The following ATXN2 variants were observed in gnomAD, a reference collection of about 807,000 sequenced individuals.
The protein encoded by ATXN2 is ataxin 2, also known as ataxin-2.
Under a neutral mutation model 138.6 loss-of-function variants are expected in ATXN2, and 37 were observed. The observed-to-expected ratio is 0.27, with a 90% CI of 0.21 to 0.35. ATXN2 has a LOEUF of 0.35. ATXN2 is among the 10% of genes least tolerant of loss of function. The pLI is 1.00. For synonymous variants in ATXN2, 549 were observed against 543.7 expected, an observed-to-expected ratio of 1.01 and a Z score of -0.13; for missense variants, 1,216 against 1,480.3, an observed-to-expected ratio of 0.82 and a Z score of 2.93.
rs780736733 is a variant in ATXN2 at position 111,513,536 on chromosome 12, G to A, written c.1379C>T (p.Pro460Leu). ...TMPKRMSSEG[P>L]PRMSPKAQRH... ...CTGGGCCTTTGGGGACATCCTTGGA[G>A]GCCCTAAGGAAGAAACAGTGAACAT... The change falls in exon 11 of 25, where the codon CCT (proline) becomes CTT (leucine). Residue 460 changes from proline (P) to leucine (L), a missense_variant. Physicochemically the swap from Pro to Leu is moderately conservative, Grantham distance 98. Coordinates refer to ENST00000673436, the MANE Select transcript of ATXN2 (RefSeq NM_001372574.1). The A allele has an allele frequency of 1.2e-6, 2 of 1,610,910 alleles. No homozygotes were observed. Among genetic ancestry groups the A allele is most frequent in the Non-Finnish European group, 1.7e-6 (2 of 1,178,908 alleles).
At chr12:111,482,573 A>G (rs944487706) in intron 18 of ATXN2, among the ~76,000 whole-genome samples, 4 of 152,162 alleles carry the variant, frequency 2.6e-5, no homozygotes, top group Non-Finnish European at 5.9e-5. Flanking sequence ...CCAAACTGTC[A>G]TGCTTGCTCT....
At position 111,470,229 on chromosome 12, in the gene ATXN2, G is replaced by A. The variant is rs1343370901; in HGVS notation, c.2721C>T (p.Val907=). Residue 907 remains valine, a synonymous_variant, in exon 20 of 25, where the codon GTC becomes GTT. Coordinates refer to ENST00000673436, the MANE Select transcript of ATXN2 (RefSeq NM_001372574.1). ...VPHYQSQHPH[V]YSPVIQGNAR... is the part of the protein sequence containing the mutation. Reference sequence around the variant, plus strand: ...CATTACCCTGTATTACAGGACTATAGACATGAGGATGCTGTGTTCAAACAA... The same window carrying A: ...CATTACCCTGTATTACAGGACTATAAACATGAGGATGCTGTGTTCAAACAA... The A allele has an allele frequency of 6.2e-7, 1 of 1,613,818 alleles. No homozygotes were observed. Among genetic ancestry groups the A allele is most frequent in the Non-Finnish European group, 8.5e-7 (1 of 1,179,872 alleles).
At chr12:111,462,505 AAAGGG>A (rs1259532595) in intron 21 of ATXN2, among the ~76,000 whole-genome samples, 1 of 152,260 alleles carries the variant, frequency 6.6e-6, no homozygotes, top group Non-Finnish European at 1.5e-5. Flanking sequence ...AAATTCAGAA[AAAGGG>A]AAGTGAAGGA....
chr12:111,549,053 A>C (rs1392379930), intron 5 of ATXN2, among the ~76,000 whole-genome samples: 1 of 152,070 alleles, frequency 6.6e-6, no homozygotes, highest in Non-Finnish European at 1.5e-5. Flanking sequence ...CACAGAACAG[A>C]GCCACTCCTG....
intron 1 of ATXN2, among the ~76,000 whole-genome samples, chr12:111,585,025 T>G (rs908706745): frequency 6.6e-6 from 1 of 152,206 alleles, no homozygotes; most frequent in African/African-American, 2.4e-5. Context: ...AAAATGCTTG[T>G]CATAATCCAC....
chr12:111,531,823 C>T (rs1880853996), intron 5 of ATXN2, among the ~76,000 whole-genome samples: 1 of 152,090 alleles, frequency 6.6e-6, no homozygotes, highest in African/African-American at 2.4e-5. Context: ...TTTTCTTAAT[C>T]CATGGGCCCC....
chr12:111,497,388 A>C (rs1878489052), intron 14 of ATXN2, among the ~76,000 whole-genome samples: 2 of 152,148 alleles, frequency 1.3e-5, no homozygotes, highest in South Asian at 4.1e-4. Flanking sequence ...CAAGGCCACT[A>C]TTACCCTATA....
chr12:111,496,193 C>CA (rs1341690421), intron 14 of ATXN2, among the ~76,000 whole-genome samples: 1 of 151,606 alleles, frequency 6.6e-6, no homozygotes, highest in East Asian at 1.9e-4. Flanking sequence ...AATAAAAATT[C>CA]AAAAAAGTTA....
chr12:111,569,122 C>T (rs1310802745), intron 1 of ATXN2, among the ~76,000 whole-genome samples: 1 of 152,120 alleles, frequency 6.6e-6, no homozygotes, highest in Non-Finnish European at 1.5e-5. Context: ...AAACAATTAC[C>T]ATTCACACAA....
rs570797390 is a variant in ATXN2 at position 111,463,757 on chromosome 12, A to T, written c.2896+905T>A. ...CCTGAGAGGTCATGATCTCTTGCTT[A>T]AGCTCAAGATATCCTGAGGGGTCTG... On this transcript the variant is annotated intron_variant, in intron 21 of 24. Coordinates refer to ENST00000673436, the MANE Select transcript of ATXN2 (RefSeq NM_001372574.1). Among the ~76,000 whole-genome samples, 94 of 152,192 alleles carry T rather than the reference A, an allele frequency of 6.2e-4. 1 individual carries two copies. The highest frequency in any genetic ancestry group is 1.0e-3 in the Non-Finnish European group (70 of 68,016).
chr12:111,480,260 TAC>T (rs1471025679), intron 18 of ATXN2, among the ~76,000 whole-genome samples: 2 of 152,204 alleles, frequency 1.3e-5, no homozygotes, highest in African/African-American at 2.4e-5. Flanking sequence ...GTATGTAAAT[TAC>T]AGACTAATAA....
rs144420886 is a variant in ATXN2 at position 111,507,790 on chromosome 12, T to G, written c.1935+1759A>C. ...TCTGTGGAGAAAGAAGTAGACATGG[T>G]AGACTTTTCATTTTGTTCTGTACTA... On this transcript the variant is annotated intron_variant, in intron 14 of 24. Transcript: ENST00000673436. 3.9e-3 allele frequency among the ~76,000 whole-genome samples: 597 copies of G among 152,346 alleles called. 23 individuals are homozygous for G. The East Asian group carries it at 0.097, about 25-fold the overall frequency.
At chr12:111,521,262 A>G (rs193256002) in intron 6 of ATXN2, among the ~76,000 whole-genome samples, 1 of 152,276 alleles carries the variant, frequency 6.6e-6, no homozygotes, top group Non-Finnish European at 1.5e-5. Flanking sequence ...CTTTTCTCTA[A>G]CCTGTAAAAG....
intron 8 of ATXN2, 171 bp downstream of exon 8, chr12:111,519,708 A>G (rs1182554657): frequency 4.8e-6 from 6 of 1,253,988 alleles, no homozygotes; most frequent in South Asian, 1.6e-5. Context: ...TCTCAAAAGC[A>G]TATTTTCCAA....
At chr12:111,467,917 G>A (rs868810375) in intron 20 of ATXN2, among the ~76,000 whole-genome samples, 10 of 152,286 alleles carry the variant, frequency 6.6e-5, no homozygotes, top group Middle Eastern at 3.4e-3. Flanking sequence ...AGAAAGATTC[G>A]GCTCAACATT....
At chr12:111,563,086 A>C (rs1196560736) in intron 1 of ATXN2, among the ~76,000 whole-genome samples, 1 of 152,168 alleles carries the variant, frequency 6.6e-6, no homozygotes, top group Non-Finnish European at 1.5e-5. Context: ...TAAATATCTG[A>C]ATCTAATCAT....
At chr12:111,480,393 G>C (rs1298473172) in intron 18 of ATXN2, among the ~76,000 whole-genome samples, 1 of 152,144 alleles carries the variant, frequency 6.6e-6, no homozygotes, top group African/African-American at 2.4e-5. Context: ...TCAAACTCCT[G>C]AGCTCAAGTG....
chr12:111,478,312 G>C (rs917984836), intron 18 of ATXN2, among the ~76,000 whole-genome samples: 2 of 152,056 alleles, frequency 1.3e-5, no homozygotes, highest in African/African-American at 4.8e-5. Flanking sequence ...AGGCTAAGGC[G>C]TAAGAATTGC....
intron 14 of ATXN2, among the ~76,000 whole-genome samples, chr12:111,506,813 GC>G (rs1879150342): frequency 6.6e-6 from 1 of 152,088 alleles, no homozygotes; most frequent in African/African-American, 2.4e-5. Flanking sequence ...GCAGGCCCGC[GC>G]CGCCACGCCT....
Sources: allele counts gnomAD v4.1 joint callset (sites outside exome capture counted in the v4.1 genomes callset), GRCh38; gene constraint gnomAD v4.1.1; transcripts MANE v1.5; gene names NCBI Gene and HGNC (gene_info 2026-07-23, HGNC 2026-07-21).